Variants in DNAH17 observed in about 807,000 individuals in gnomAD.
DNAH17 encodes dynein axonemal heavy chain 17, also known as axonemal beta dynein heavy chain 17.
A neutral mutation model predicts 485.6 loss-of-function variants in DNAH17; 376 were observed. That is an observed-to-expected ratio of 0.77 (90% CI 0.71 to 0.84). DNAH17 has a LOEUF of 0.84. Among genes scored for constraint, DNAH17 ranks in the 40% least tolerant of loss-of-function variants. The pLI, the probability that DNAH17 is intolerant of heterozygous loss-of-function variation, is 0.00. For missense variants in DNAH17, 6,370 were observed against 5,839.3 expected (o/e 1.09, Z -2.96); for synonymous variants, 3,031 against 2,405.9 (o/e 1.26, Z -7.60).
intron 27 of DNAH17, 123 bp from the exon 28 acceptor site, chr17:78,507,928 C>T (rs1260186103): frequency 1.2e-5 from 11 of 910,430 alleles, no homozygotes; most frequent in South Asian, 3.6e-5. Context: ...CTCAAACCAA[C>T]GTATTCACAG....
At chr17:78,472,592 A>G (rs1226490961) in intron 54 of DNAH17, 2 of 362,062 alleles carry the variant, frequency 5.5e-6, no homozygotes, top group Non-Finnish European at 1.1e-5. Flanking sequence ...GTTTCACAGA[A>G]ATAAAAACTC....
chr17:78,572,870 T>A lies in DNAH17; in HGVS notation c.370A>T (p.Ser124Cys). The stretch of plus-strand genomic sequence containing the variant: ...TGGGGCCATCCAGCCATGTTCTCAC[T>A]TTGGTTTAACAGAGAAGAGAGGACC... Reference protein sequence around the residue: ...EEVLSSLLNQSENMAGWPQVV... With the variant: ...EEVLSSLLNQCENMAGWPQVV... The change falls in exon 3 of 81, where the codon AGT (serine) becomes TGT (cysteine). Residue 124 changes from serine (S) to cysteine (C), a missense_variant. By Grantham distance (112) the Ser-to-Cys change is moderately radical. Coordinates refer to ENST00000389840, the MANE Select transcript of DNAH17 (RefSeq NM_173628.4). 1 of 1,613,826 alleles carries A rather than the reference T, an allele frequency of 6.2e-7. No homozygotes were observed. The highest frequency in any genetic ancestry group is 8.5e-7 in the Non-Finnish European group (1 of 1,179,824).
chr17:78,434,341 G>A, intron 74 of DNAH17, 121 bp from the exon 75 acceptor site: 2 of 903,464 alleles, frequency 2.2e-6, no homozygotes, highest in South Asian at 3.5e-5. Context: ...GGCGGTGGGG[G>A]GTACAAAGCT....
rs751132226 is a variant in DNAH17 at position 78,494,963 on chromosome 17, T to G, written c.6038A>C (p.Lys2013Thr). 6.2e-7 allele frequency: 1 copy of G among 1,611,566 alleles called. No homozygotes were observed. The highest frequency in any genetic ancestry group is 2.2e-5 in the East Asian group (1 of 44,806). The stretch of plus-strand genomic sequence containing the variant: ...TGAGCTCCAGGACACACACACCTGC[T>G]TCGAGAGCAGCTCCTTGCACAAGGT... ...LYTLCKELLS[K>T]QDHYDWGLRA... The change falls in exon 39 of 81, where the codon AAG (lysine) becomes ACG (threonine). Residue 2013 changes from lysine to threonine, a missense_variant. By Grantham distance (78) the Lys-to-Thr change is moderately conservative (BLOSUM62 -1). Transcript: ENST00000389840.
intron 72 of DNAH17, among the ~76,000 whole-genome samples, chr17:78,440,615 C>T (rs1426120697): frequency 6.6e-6 from 1 of 152,140 alleles, no homozygotes. Context: ...CCACCATATT[C>T]TGTTTATCCA....
intron 22 of DNAH17, among the ~76,000 whole-genome samples, chr17:78,528,653 C>T (rs2091142778): frequency 2.0e-5 from 3 of 152,052 alleles, no homozygotes; most frequent in Admixed American, 6.6e-5. Context: ...GATGAGGGAG[C>T]GGGGTCTCCT....
rs771924414 is a variant in DNAH17 at position 78,543,989 on chromosome 17, C to G, written c.2400G>C (p.Ser800=). The change falls in exon 17 of 81, where the codon TCG becomes TCC. Residue 800 remains serine, a synonymous_variant. Coordinates refer to ENST00000389840, the MANE Select transcript of DNAH17 (RefSeq NM_173628.4). The stretch of plus-strand genomic sequence containing the variant: ...CCTTTCTTTCAAACAGCGGGTTGGC[C>G]GACCAGTCCTGGAAGGAAAGCACAG... The part of the protein sequence containing the change: ...EGISQAMKDW[S]ANPLFERKDN... 1 of 1,613,854 alleles carries G rather than the reference C, an allele frequency of 6.2e-7. No homozygotes were observed. The highest frequency in any genetic ancestry group is 8.5e-7 in the Non-Finnish European group (1 of 1,179,892).
chr17:78,508,394 G>T (rs1313689221), intron 27 of DNAH17, among the ~76,000 whole-genome samples: 4 of 152,200 alleles, frequency 2.6e-5, no homozygotes, highest in African/African-American at 9.6e-5. Context: ...CTCTTACACA[G>T]ATTACTTTTC....
chr17:78,486,709 G>A (rs1218543884), intron 44 of DNAH17, among the ~76,000 whole-genome samples: 4 of 152,232 alleles, frequency 2.6e-5, no homozygotes, highest in Admixed American at 2.6e-4. Flanking sequence ...AGGATGCCAG[G>A]GTCGTGGGGG....
intron 31 of DNAH17, among the ~76,000 whole-genome samples, chr17:78,504,265 G>A (rs1404873922): frequency 3.9e-5 from 6 of 151,972 alleles, no homozygotes; most frequent in Admixed American, 1.3e-4. Context: ...CAGTTTCGCC[G>A]TGTTAGCCAG....
rs201682545 is a variant in DNAH17, at chr17:78,424,148, G to T, written c.13147C>A (p.Arg4383Ser). ...YVYGLFMEGA[R>S]WDTQTGVIAE... is the part of the protein sequence containing the mutation. Reference sequence around the variant, plus strand: ...ATGACTCCAGTCTGGGTGTCCCAGCGAGCCCCTGCAGGGACAGTATGGCTG... The same window carrying T: ...ATGACTCCAGTCTGGGTGTCCCAGCTAGCCCCTGCAGGGACAGTATGGCTG... The change falls in exon 81 of 81, where the codon CGC becomes AGC. Residue 4383 changes from arginine to serine, a missense_variant. Transcript: ENST00000389840. The T allele has an allele frequency of 6.2e-7, 1 of 1,610,516 alleles. No individual in the cohort carries two copies. The highest frequency in any genetic ancestry group is 8.5e-7 in the Non-Finnish European group (1 of 1,178,670).
At chr17:78,479,707 G>A (rs886714619) in intron 49 of DNAH17, 75 bp from the exon 50 acceptor site, 3 of 1,589,930 alleles carry the variant, frequency 1.9e-6, no homozygotes, top group Non-Finnish European at 2.6e-6. Context: ...ACCTTCGCGG[G>A]AGAGTGGCCC....
chr17:78,478,171 T>C (rs1288225804), intron 51 of DNAH17, among the ~76,000 whole-genome samples: 4 of 127,166 alleles, frequency 3.1e-5, no homozygotes, highest in African/African-American at 1.2e-4. Context: ...CACCATAACA[T>C]CACCATCATC....
Position 78,543,871 on chromosome 17 carries a change from G to C in DNAH17, c.2518C>G (p.Gln840Glu). 6.2e-7 allele frequency: 1 copy of C among 1,614,024 alleles called. No individual in the cohort carries two copies. The highest frequency in any genetic ancestry group is 1.1e-5 in the South Asian group (1 of 91,088). The change falls in exon 17 of 81, where the codon CAA becomes GAA. Residue 840 changes from glutamine (Q) to glutamate (E), a missense_variant. Physicochemically the swap from Gln to Glu is conservative, Grantham distance 29. Coordinates refer to ENST00000389840, the MANE Select transcript of DNAH17 (RefSeq NM_173628.4). ...TGTTTCCTTACTGCAACCATGGCTT[G>C]GATCTTCACTCCAGCATCCCTGACT... The part of the protein sequence containing the change: ...AAVRDAGVKI[Q>E]AMVAENAELF...
At chr17:78,425,631 G>T (rs1405016207) in intron 79 of DNAH17, 60 bp from the exon 80 acceptor site, 3 of 1,463,672 alleles carry the variant, frequency 2.0e-6, no homozygotes, top group Non-Finnish European at 2.8e-6. Context: ...GAACGACCGG[G>T]CCTTGGCCGT....
At chr17:78,507,415 C>G (rs755558948) in intron 28 of DNAH17, 43 bp downstream of exon 28, 1 of 1,613,900 alleles carries the variant, frequency 6.2e-7, no homozygotes, top group South Asian at 1.1e-5. Flanking sequence ...TCGCCACACA[C>G]AGTCATTTCT....
chr17:78,431,975 C>T (rs1252104761), intron 75 of DNAH17, among the ~76,000 whole-genome samples: 1 of 151,892 alleles, frequency 6.6e-6, no homozygotes, highest in African/African-American at 2.4e-5. Context: ...AGTTTGAGAC[C>T]AGCTTAGGCA....
chr17:78,525,209 T>TGCCCC (rs1306814600), intron 24 of DNAH17, 48 bp from the exon 25 acceptor site: 3 of 1,587,804 alleles, frequency 1.9e-6, no homozygotes, highest in Non-Finnish European at 2.6e-6. Context: ...CCCTCAGCGG[T>TGCCCC]GCCCCACCCC....
chr17:78,490,567 A>C (rs2146668452), intron 44 of DNAH17, 132 bp downstream of exon 44: 1 of 1,305,402 alleles, frequency 7.7e-7, no homozygotes. Flanking sequence ...CTGCTGTGAC[A>C]CTGGTGCCTG....
Sources: allele counts gnomAD v4.1 joint callset (sites outside exome capture counted in the v4.1 genomes callset), GRCh38; gene constraint gnomAD v4.1.1; transcripts MANE v1.5; gene names NCBI Gene and HGNC (gene_info 2026-07-23, HGNC 2026-07-21).